SLC7A1: variants seen among roughly 807,000 people sequenced by gnomAD.
SLC7A1 encodes the protein high affinity cationic amino acid transporter 1.
SLC7A1 carries 10 observed loss-of-function variants against 53.9 expected under a neutral mutation model. That is an observed-to-expected ratio of 0.19 (90% CI 0.11 to 0.31). The LOEUF is 0.31. SLC7A1 is among the 10% of genes least tolerant of loss of function. The pLI is 1.00. For missense variants in SLC7A1, 525 were observed against 827.2 expected (o/e 0.63, Z 4.48); for synonymous variants, 342 against 338.7 (o/e 1.01, Z -0.11).
At chr13:29,519,604 C>T (rs1393422913) in intron 8 of SLC7A1, 55 bp from the exon 9 acceptor site, 3 of 1,108,856 alleles carry the variant, frequency 2.7e-6, no homozygotes, top group Non-Finnish European at 4.1e-6. Flanking sequence ...GCAATGACAA[C>T]CAGGACCACC....
At chr13:29,581,352 TCTTC>T (rs747263763) in intron 1 of SLC7A1, among the ~76,000 whole-genome samples, 46 of 152,156 alleles carry the variant, frequency 3.0e-4, no homozygotes, top group Non-Finnish European at 5.6e-4. Flanking sequence ...TTTGCTCTCT[TCTTC>T]CTTACTTTCA....
chr13:29,555,823 C>T (rs2139139756), intron 1 of SLC7A1, among the ~76,000 whole-genome samples: 1 of 152,284 alleles, frequency 6.6e-6, no homozygotes, highest in South Asian at 2.1e-4. Flanking sequence ...TTTCTGATGA[C>T]ACTGGGGGTG....
At chr13:29,542,443 G>A (rs974031114) in intron 2 of SLC7A1, among the ~76,000 whole-genome samples, 12 of 148,368 alleles carry the variant, frequency 8.1e-5, no homozygotes, top group African/African-American at 2.7e-4. Context: ...TGACAACAGC[G>A]AAATCTGTCT....
At chr13:29,523,974 G>T (rs1868759461) in intron 6 of SLC7A1, among the ~76,000 whole-genome samples, 158 bp downstream of exon 6, 1 of 152,218 alleles carries the variant, frequency 6.6e-6, no homozygotes, top group Non-Finnish European at 1.5e-5. Context: ...ATAATGGTTT[G>T]GGGGTGGGAG....
chr13:29,562,115 T>G (rs1352001226), intron 1 of SLC7A1, among the ~76,000 whole-genome samples: 1 of 152,200 alleles, frequency 6.6e-6, no homozygotes, highest in Non-Finnish European at 1.5e-5. Context: ...CATCCCAGCA[T>G]AGCATATTCT....
At chr13:29,528,006 A>G (rs748668771) in intron 5 of SLC7A1, among the ~76,000 whole-genome samples, 10 of 152,246 alleles carry the variant, frequency 6.6e-5, no homozygotes, top group South Asian at 2.1e-4. Flanking sequence ...TGGTGTCTGC[A>G]TCTGCTGAGA....
intron 1 of SLC7A1, among the ~76,000 whole-genome samples, chr13:29,555,487 G>C (rs992707915): frequency 8.7e-5 from 13 of 150,042 alleles, no homozygotes; most frequent in African/African-American, 1.5e-4. Context: ...GTCCCTAACT[G>C]TCAGTTACTG....
intron 2 of SLC7A1, among the ~76,000 whole-genome samples, chr13:29,549,666 T>C (rs887082801): frequency 2.0e-5 from 3 of 152,208 alleles, no homozygotes; most frequent in Admixed American, 6.5e-5. Context: ...GTTACATCTA[T>C]TGTTTGTTTG....
chr13:29,563,031 G>A (rs1223056207), intron 1 of SLC7A1, among the ~76,000 whole-genome samples: 2 of 152,232 alleles, frequency 1.3e-5, no homozygotes, highest in African/African-American at 2.4e-5. Flanking sequence ...GCTAGAGAAA[G>A]CCATTCTAAC....
intron 1 of SLC7A1, among the ~76,000 whole-genome samples, chr13:29,564,458 C>T (rs570630586): frequency 3.9e-5 from 6 of 152,336 alleles, no homozygotes; most frequent in Non-Finnish European, 7.3e-5. Context: ...TTCTATGAAG[C>T]GGAATCTCGG....
At chr13:29,546,618 C>T (rs901596711) in intron 2 of SLC7A1, among the ~76,000 whole-genome samples, 1 of 152,168 alleles carries the variant, frequency 6.6e-6, no homozygotes, top group African/African-American at 2.4e-5. Flanking sequence ...CTCAGGCAGT[C>T]CACCAATTCA....
intron 12 of SLC7A1, among the ~76,000 whole-genome samples, chr13:29,514,801 T>G (rs1883507694): frequency 6.6e-6 from 1 of 152,188 alleles, no homozygotes; most frequent in Admixed American, 6.5e-5. Flanking sequence ...AGCCCTACGT[T>G]CCTCTGGACG....
chr13:29,569,693 T>A (rs1261091893), intron 1 of SLC7A1, among the ~76,000 whole-genome samples: 1 of 152,208 alleles, frequency 6.6e-6, no homozygotes, highest in Non-Finnish European at 1.5e-5. Context: ...GACAGATTTT[T>A]AAAAAATTCT....
chr13:29,569,536 T>C (rs896188653), intron 1 of SLC7A1, among the ~76,000 whole-genome samples: 3 of 152,198 alleles, frequency 2.0e-5, no homozygotes, highest in South Asian at 2.1e-4. Context: ...CTTGACCTCA[T>C]GAGGCGGGGG....
At chr13:29,592,851 A>G (rs1872165337) in intron 1 of SLC7A1, among the ~76,000 whole-genome samples, 1 of 152,162 alleles carries the variant, frequency 6.6e-6, no homozygotes, top group South Asian at 2.1e-4. Flanking sequence ...CTGAAGATCC[A>G]GGAATACCCC....
chr13:29,544,880 C>T (rs1869844133), intron 2 of SLC7A1, among the ~76,000 whole-genome samples: 1 of 126,318 alleles, frequency 7.9e-6, no homozygotes, highest in Non-Finnish European at 1.6e-5. Context: ...GGGGGGGGGG[C>T]AAGCTCTTCC....
chr13:29,589,166 C>T (rs1020919728), intron 1 of SLC7A1, among the ~76,000 whole-genome samples: 13 of 152,330 alleles, frequency 8.5e-5, no homozygotes, highest in African/African-American at 2.4e-4. Flanking sequence ...GGGGCACCTC[C>T]GCAAGATATT....
chr13:29,564,087 G>A (rs1044869242), intron 1 of SLC7A1, among the ~76,000 whole-genome samples: 1 of 152,168 alleles, frequency 6.6e-6, no homozygotes, highest in African/African-American at 2.4e-5. Context: ...GAAAATAGTG[G>A]GGAGAAAGAG....
rs944574655 is a variant in SLC7A1 at position 29,538,023 on chromosome 13, G to A, written c.-14-1821C>T. Among the ~76,000 whole-genome samples, 56 of 152,304 alleles carry A rather than the reference G, an allele frequency of 3.7e-4. 1 individual carries two copies. The highest frequency in any genetic ancestry group is 1.3e-3 in the African/African-American group (55 of 41,576). On this transcript the variant is annotated intron_variant, in intron 2 of 12. Coordinates refer to ENST00000380752, the MANE Select transcript of SLC7A1 (RefSeq NM_003045.5). ...TCGCATCACTGATCAGCTCCAGGTC[G>A]TGCAGCAACTGGGGATGGTGCCTGC...
Sources: allele counts gnomAD v4.1 joint callset (sites outside exome capture counted in the v4.1 genomes callset), GRCh38; gene constraint gnomAD v4.1.1; transcripts MANE v1.5; gene names NCBI Gene and HGNC (gene_info 2026-07-23, HGNC 2026-07-21).